Variants in MOV10L1 observed in about 807,000 individuals in gnomAD.
MOV10L1 encodes RNA helicase Mov10l1.
In MOV10L1, 110 loss-of-function variants were observed where a neutral mutation model predicts 143.8. That is an observed-to-expected ratio of 0.76 (90% CI 0.66 to 0.90). MOV10L1 has a LOEUF of 0.90. Among genes scored for constraint, MOV10L1 ranks in the 40% least tolerant of loss-of-function variants. The probability of loss-of-function intolerance (pLI) is 0.00; values close to 1 mark genes in which losing one functional copy is unlikely to be tolerated. For synonymous variants in MOV10L1, 593 were observed against 581.1 expected (o/e 1.02, Z -0.29); for missense variants, 1,406 against 1,526.8 (o/e 0.92, Z 1.32).
At chr22:50,099,353 C>T (rs1390044577) in intron 2 of MOV10L1, 90 bp from the exon 3 acceptor site, 124 of 1,469,200 alleles carry the variant, frequency 8.4e-5, no homozygotes, top group Non-Finnish European at 1.1e-4. Context: ...GACTTGCAGC[C>T]CTAATGGTCT....
chr22:50,148,315 G>A (rs2063206547), intron 19 of MOV10L1, among the ~76,000 whole-genome samples: 1 of 152,218 alleles, frequency 6.6e-6, no homozygotes, highest in Non-Finnish European at 1.5e-5. Context: ...GGGAAGCCGG[G>A]GCACCTGTTC....
Position 50,150,771 on chromosome 22 carries a change from G to A in MOV10L1, c.2764G>A (p.Val922Ile). 6.2e-7 allele frequency: 1 copy of A among 1,614,094 alleles called. No individual in the cohort carries two copies. Residue 922 changes from valine to isoleucine, a missense_variant, in exon 21 of 27, where the codon GTC (valine) becomes ATC (isoleucine). This residue lies in a region of MOV10L1 where 1,233 missense variants were observed against 1,351.4 expected (regional missense o/e 0.91). Coordinates refer to ENST00000262794, the MANE Select transcript of MOV10L1 (RefSeq NM_018995.3). ...LAGDPMQLGP[V>I]IKSRLAMAYG... ...AGGAGACCCCATGCAGCTCGGCCCAGTCATTAAGTCCAGACTCGCCATGGC... is the reference window on the plus strand; with the variant it reads ...AGGAGACCCCATGCAGCTCGGCCCAATCATTAAGTCCAGACTCGCCATGGC...
chr22:50,090,135 C>T lies in MOV10L1; in HGVS notation c.47C>T (p.Ala16Val), dbSNP rs1165468591. 3 of 1,382,102 alleles carry T rather than the reference C, an allele frequency of 2.2e-6. No homozygotes were observed. The highest frequency in any genetic ancestry group is 1.8e-5 in the South Asian group (1 of 56,690). The allele number at this position is 1,382,102 out of a possible 1,614,324, so 85.6% of individuals were successfully genotyped here. A position where few individuals can be genotyped will look rare whatever the true frequency, so the allele number is the denominator to read the frequency against. Reference protein sequence around the residue: ...AKLVAFFWRTADTPREEAGQL... With the variant: ...AKLVAFFWRTVDTPREEAGQL... ...CTGGTGGCCTTCTTCTGGAGGACGG[C>T]GGACACCCCTAGGGAGGAAGCCGGG... The change falls in exon 1 of 27, where the codon GCG becomes GTG. Residue 16 changes from alanine to valine, a missense_variant. This residue lies in a region of MOV10L1 where 166 missense variants were observed against 153.9 expected (regional missense o/e 1.08). Coordinates refer to ENST00000262794, the MANE Select transcript of MOV10L1 (RefSeq NM_018995.3).
rs2063046306 is a variant in MOV10L1, at chr22:50,143,395, G to A, written c.2358+174G>A. 11 of 739,872 alleles carry A rather than the reference G, an allele frequency of 1.5e-5. No homozygotes were observed. The South Asian group carries it at 1.7e-4, about 12-fold the overall frequency. 45.8% of individuals were successfully genotyped at this position (739,872 alleles called of 1,614,324 possible). ...TTTGTGGATATGTAGGGATTTAAAA[G>A]CTTATTTCATAGGTTTAGAAGGAAA... On this transcript the variant is annotated intron_variant, in intron 17 of 26. Transcript: ENST00000262794.
chr22:50,112,010 G>A (rs778783066), intron 5 of MOV10L1, among the ~76,000 whole-genome samples: 5 of 152,282 alleles, frequency 3.3e-5, no homozygotes, highest in Middle Eastern at 3.4e-3. Context: ...AGGGGTGTGC[G>A]GAGCAGTGCA....
Position 50,113,655 on chromosome 22 carries a change from G to A in MOV10L1, c.751G>A (p.Ala251Thr), listed in dbSNP as rs1252739218. The change falls in exon 6 of 27, where the codon GCC becomes ACC. Residue 251 changes from alanine (A) to threonine (T), a missense_variant. Transcript: ENST00000262794. ...CTGGGGCTCTTTTTTCAGAGACGCC[G>A]CCCCTGTTCATGAGGCCACTCATTT... ...CMTLVKRRDA[A>T]PVHEATHFYG... 6.8e-6 allele frequency: 11 copies of A among 1,613,154 alleles called. No homozygotes were observed. Among genetic ancestry groups the A allele is most frequent in the Admixed American group, 6.7e-5 (4 of 59,738 alleles).
At position 50,134,701 on chromosome 22, in the gene MOV10L1, G is replaced by T. The variant is rs1039391601; in HGVS notation, c.2070+71G>T. ...CGACGTGGCTGTCTTTACATAGGGG[G>T]TGGCTCAGCGGCGTGACTGTCTCTA... On this transcript the variant is annotated intron_variant, in intron 15 of 26. Transcript: ENST00000262794. The T allele has an allele frequency of 6.7e-6, 9 of 1,352,214 alleles. No homozygotes were observed. In the African/African-American group the frequency reaches 1.0e-4, roughly 15 times the overall value. 83.8% of individuals were successfully genotyped at this position (1,352,214 alleles called of 1,614,324 possible).
chr22:50,095,188 C>T (rs1465637079), intron 2 of MOV10L1: 1 of 152,196 alleles, frequency 6.6e-6, no homozygotes, highest in Non-Finnish European at 1.5e-5. Flanking sequence ...AGAAGAGCCT[C>T]CCTCCACGTT....
chr22:50,099,606 T>C lies in MOV10L1; in HGVS notation c.442+4T>C. 8 of 1,600,218 alleles carry C rather than the reference T, an allele frequency of 5.0e-6. No individual in the cohort carries two copies. The highest frequency in any genetic ancestry group is 6.0e-6 in the Non-Finnish European group (7 of 1,168,824). On this transcript the variant is annotated splice_donor_region_variant and intron_variant, in intron 3 of 26. Transcript: ENST00000262794. ...TCTCTGGAGAGTGTGTGCGAAGGTA[T>C]GCTCAGGGGTCTGTGTTCCACATTG...
Position 50,108,670 on chromosome 22 carries a change from G to A in MOV10L1, c.569G>A (p.Ser190Asn), listed in dbSNP as rs749497499. 1 of 1,614,114 alleles carries A rather than the reference G, an allele frequency of 6.2e-7. No individual in the cohort carries two copies. The highest frequency in any genetic ancestry group is 8.5e-7 in the Non-Finnish European group (1 of 1,180,012). Residue 190 changes from serine to asparagine, a missense_variant, in exon 5 of 27, where the codon AGC (serine) becomes AAC (asparagine). This residue lies in a region of MOV10L1 where 1,233 missense variants were observed against 1,351.4 expected (regional missense o/e 0.91). Transcript: ENST00000262794. ...CTCTGCTCCCAGGTCTGCATCTCTA[G>A]CCTCTGTGGAAGGAACGGGGTGTTA... ...YKRVDKVCIS[S>N]LCGRNGVLEE...
intron 16 of MOV10L1, 87 bp from the exon 17 acceptor site, chr22:50,142,956 T>C: frequency 7.7e-7 from 1 of 1,292,940 alleles, no homozygotes; most frequent in East Asian, 2.3e-5. Context: ...TGCACAGACG[T>C]GCTGACGCCT....
chr22:50,138,450 C>T (rs560861520), intron 15 of MOV10L1, among the ~76,000 whole-genome samples: 2 of 151,884 alleles, frequency 1.3e-5, no homozygotes, highest in African/African-American at 4.8e-5. Flanking sequence ...CCCAGCTACT[C>T]AGGAGGCTGA....
intron 12 of MOV10L1, 139 bp from the exon 13 acceptor site, chr22:50,128,277 T>G (rs1602250981): frequency 1.7e-6 from 1 of 597,962 alleles, no homozygotes; most frequent in African/African-American, 1.9e-5. Context: ...AATGGCGTAA[T>G]GATTTAATCC....
intron 20 of MOV10L1, among the ~76,000 whole-genome samples, chr22:50,150,108 A>C (rs1466139158): frequency 6.6e-6 from 1 of 151,904 alleles, no homozygotes; most frequent in Non-Finnish European, 1.5e-5. Flanking sequence ...CTCTGCTCCC[A>C]CCTGCTTCCT....
At chr22:50,161,256 C>G in intron 26 of MOV10L1, 112 bp from the exon 27 acceptor site, 7 of 1,048,166 alleles carry the variant, frequency 6.7e-6, no homozygotes, top group Non-Finnish European at 8.4e-6. Context: ...CCCACATAGG[C>G]TAACAGGGTA....
intron 2 of MOV10L1, among the ~76,000 whole-genome samples, chr22:50,092,484 A>C (rs565927569): frequency 6.6e-6 from 1 of 152,170 alleles, no homozygotes; most frequent in East Asian, 1.9e-4. Context: ...AAAAACCCAC[A>C]AAAGTTAGCC....
chr22:50,094,645 A>T (rs2062542469), intron 2 of MOV10L1: 1 of 152,114 alleles, frequency 6.6e-6, no homozygotes, highest in Non-Finnish European at 1.5e-5. Flanking sequence ...GTGATCCGCC[A>T]CCTCGGCCTC....
intron 9 of MOV10L1, among the ~76,000 whole-genome samples, chr22:50,119,721 C>T (rs1202057141): frequency 2.0e-5 from 3 of 150,612 alleles, no homozygotes; most frequent in African/African-American, 4.9e-5. Context: ...GTCTTCACCC[C>T]GTTTCTCCTG....
chr22:50,143,046 A>T lies in MOV10L1; in HGVS notation c.2183A>T (p.Asp728Val). ...PFTAEMSDWVDEIQTPKARKM... is the reference protein window; with the variant it reads ...PFTAEMSDWVVEIQTPKARKM... ...ACTTTCTTCACTTTGAATACAGTAG[A>T]TGAAATTCAGACCCCTAAAGCAAGA... is the stretch of plus-strand genomic sequence containing the variant. Residue 728 changes from aspartate to valine, a missense_variant, in exon 17 of 27, where the codon GAT (aspartate) becomes GTT (valine). Around this residue, in one of 3 missense-constraint regions of MOV10L1, gnomAD observed 1,233 missense variants for 1,351.4 expected, o/e 0.91. Coordinates refer to ENST00000262794, the MANE Select transcript of MOV10L1 (RefSeq NM_018995.3). The T allele has an allele frequency of 6.2e-7, 1 of 1,613,830 alleles. No individual in the cohort carries two copies. Among genetic ancestry groups the T allele is most frequent in the Non-Finnish European group, 8.5e-7 (1 of 1,179,856 alleles).
Sources: allele counts gnomAD v4.1 joint callset (sites outside exome capture counted in the v4.1 genomes callset), GRCh38; gene constraint gnomAD v4.1.1; regional missense constraint gnomAD v4.1.1; transcripts MANE v1.5; gene names NCBI Gene and HGNC (gene_info 2026-07-23, HGNC 2026-07-21).